The following BRIP1 variants were observed in gnomAD, a reference collection of about 807,000 sequenced individuals.
The protein encoded by BRIP1 is Fanconi anemia group J protein.
In BRIP1, 88 loss-of-function variants were observed where a neutral mutation model predicts 119.7. That is an observed-to-expected ratio of 0.74 (90% CI 0.62 to 0.88). BRIP1 has a LOEUF of 0.88. Among genes scored for constraint, BRIP1 ranks in the 40% least tolerant of loss-of-function variants. The probability of loss-of-function intolerance (pLI) is 0.00; values close to 1 mark genes in which losing one functional copy is unlikely to be tolerated. For missense variants in BRIP1, 1,259 were observed against 1,455.4 expected (o/e 0.87, Z 2.20); for synonymous variants, 443 against 496.5 (o/e 0.89, Z 1.43).
chr17:61,790,610 A>G (rs182686702), intron 10 of BRIP1, among the ~76,000 whole-genome samples: 436 of 152,260 alleles, frequency 2.9e-3, no homozygotes, highest in Admixed American at 4.9e-3. Flanking sequence ...ATTGCTATGT[A>G]GTATTCCACT....
intron 6 of BRIP1, among the ~76,000 whole-genome samples, chr17:61,813,928 A>C (rs7216756): frequency 0.79 from 120,793 of 152,012 alleles, 48,646 homozygotes; most frequent in African/African-American, 0.9. Context: ...AAAGTTAGTT[A>C]TATTATTTTA....
In BRIP1 at chr17:61,725,223, G is replaced by T. The variant is rs2076750409; in HGVS notation, c.2380-9160C>A. Among the ~76,000 whole-genome samples the T allele has an allele frequency of 6.6e-6, 1 of 151,988 alleles. No homozygotes were observed. Among genetic ancestry groups the T allele is most frequent in the Non-Finnish European group, 1.5e-5 (1 of 67,984 alleles). On this transcript the variant is annotated intron_variant, in intron 16 of 19. Transcript: ENST00000259008. This position sits in a 1 kb window ranked among gnomAD's most constrained non-coding sequence, Gnocchi z 5.3. ...AGAAGCCAGGCTCCCTTTTAAATAA[G>T]AATAATAATGATAAAAGCACATTAG... is the stretch of plus-strand genomic sequence containing the variant.
At chr17:61,779,020 T>G (rs1274032758) in intron 13 of BRIP1, among the ~76,000 whole-genome samples, 1 of 152,160 alleles carries the variant, frequency 6.6e-6, no homozygotes, top group Non-Finnish European at 1.5e-5. Flanking sequence ...TTAAAATATT[T>G]CATAAAAAGA....
chr17:61,858,299 C>A (rs994315100), intron 3 of BRIP1, among the ~76,000 whole-genome samples: 1 of 151,856 alleles, frequency 6.6e-6, no homozygotes, highest in Admixed American at 6.6e-5. Flanking sequence ...AAGTTAGTAC[C>A]GATAAACTCA....
At chr17:61,811,724 C>T (rs2078164973) in intron 6 of BRIP1, among the ~76,000 whole-genome samples, 1 of 151,296 alleles carries the variant, frequency 6.6e-6, no homozygotes, top group South Asian at 2.1e-4. Flanking sequence ...GGCCGAGGCA[C>T]GTGGATTGCT....
Position 61,693,635 on chromosome 17 carries a change from T to G in BRIP1, c.2493-123A>C. 1.2e-6 allele frequency: 1 copy of G among 809,552 alleles called. No individual in the cohort carries two copies. Among genetic ancestry groups the G allele is most frequent in the Non-Finnish European group, 2.0e-6 (1 of 492,606 alleles). 50.1% of individuals were successfully genotyped at this position (809,552 alleles called of 1,614,324 possible). On this transcript the variant is annotated intron_variant, in intron 17 of 19. Transcript: ENST00000259008. The surrounding 1 kb of genome is among the most constrained non-coding windows in gnomAD (Gnocchi z 4.2). The stretch of plus-strand genomic sequence containing the variant: ...TAGATTCCTTTAAACAATTTGTTAT[T>G]ATCAGAAAAGTTACAGAAGCTATCC...
intron 17 of BRIP1, among the ~76,000 whole-genome samples, chr17:61,707,028 TA>T (rs1455693683): frequency 3.5e-5 from 5 of 142,426 alleles, no homozygotes; most frequent in Admixed American, 3.3e-4. Flanking sequence ...TATTCCTTTT[TA>T]AATTTTTTTT....
chr17:61,825,553 C>T lies in BRIP1; in HGVS notation c.628-16796G>A, dbSNP rs1239689395. Reference sequence around the variant, plus strand: ...TAAATCAATATGCAAAATTTACTGACATTCCAATTCACCATCAACTGTCAA... The same window carrying T: ...TAAATCAATATGCAAAATTTACTGATATTCCAATTCACCATCAACTGTCAA... On this transcript the variant is annotated intron_variant, in intron 6 of 19. Coordinates refer to ENST00000259008, the MANE Select transcript of BRIP1 (RefSeq NM_032043.3). This position sits in a 1 kb window ranked among gnomAD's most constrained non-coding sequence, Gnocchi z 4.1. 7.9e-5 allele frequency among the ~76,000 whole-genome samples: 12 copies of T among 151,572 alleles called. No individual in the cohort carries two copies. The highest frequency in any genetic ancestry group is 5.3e-4 in the Admixed American group (8 of 15,202).
In BRIP1 at chr17:61,822,004, T is replaced by G. The variant is rs966010139; in HGVS notation, c.628-13247A>C. ...AACTGCACATGAAAACATTTGTTAA[T>G]GACTAAAAATTGTCAGAAGAATCAG... On this transcript the variant is annotated intron_variant, in intron 6 of 19. Coordinates refer to ENST00000259008, the MANE Select transcript of BRIP1 (RefSeq NM_032043.3). The surrounding 1 kb of genome is among the most constrained non-coding windows in gnomAD (Gnocchi z 4.4). 3.9e-5 allele frequency among the ~76,000 whole-genome samples: 6 copies of G among 152,196 alleles called. No homozygotes were observed. The highest frequency in any genetic ancestry group is 7.3e-5 in the Non-Finnish European group (5 of 68,030).
chr17:61,829,302 A>G (rs1408464822), intron 6 of BRIP1, among the ~76,000 whole-genome samples: 2 of 152,168 alleles, frequency 1.3e-5, no homozygotes, highest in Admixed American at 6.5e-5. Flanking sequence ...TATCAATGTT[A>G]GCCAAAATAG....
chr17:61,798,527 T>C lies in BRIP1; in HGVS notation c.1340+573A>G, dbSNP rs569940989. Among the ~76,000 whole-genome samples the C allele has an allele frequency of 1.1e-4, 17 of 152,066 alleles. No individual in the cohort carries two copies. The highest frequency in any genetic ancestry group is 1.3e-4 in the Non-Finnish European group (9 of 67,910). On this transcript the variant is annotated intron_variant, in intron 9 of 19. Transcript: ENST00000259008. The surrounding 1 kb of genome is among the most constrained non-coding windows in gnomAD (Gnocchi z 5.5). ...CATTCAAATTTTTTTAAAGTGTAAA[T>C]GTGAAGGAAACAGAAAAATGCTACA...
chr17:61,823,311 T>C lies in BRIP1; in HGVS notation c.628-14554A>G, dbSNP rs1040125577. On this transcript the variant is annotated intron_variant, in intron 6 of 19. Transcript: ENST00000259008. The surrounding 1 kb of genome is among the most constrained non-coding windows in gnomAD (Gnocchi z 4.8). The stretch of plus-strand genomic sequence containing the variant: ...GCCATACGAAAAAACAGAAATCTTA[T>C]CTTGCACCATAAACTACTAACAAAT... Among the ~76,000 whole-genome samples the C allele has an allele frequency of 6.6e-6, 1 of 152,232 alleles. No homozygotes were observed. Among genetic ancestry groups the C allele is most frequent in the African/African-American group, 2.4e-5 (1 of 41,468 alleles).
At chr17:61,820,949 TAA>T (rs779314068) in intron 6 of BRIP1, among the ~76,000 whole-genome samples, 39 of 143,920 alleles carry the variant, frequency 2.7e-4, no homozygotes, top group Admixed American at 7.6e-4. Context: ...GACTCTGTCT[TAA>T]AAAAAAAAAA....
chr17:61,811,208 C>CT (rs1194872665), intron 6 of BRIP1, among the ~76,000 whole-genome samples: 1 of 151,878 alleles, frequency 6.6e-6, no homozygotes, highest in Non-Finnish European at 1.5e-5. Context: ...AGATGGTTTT[C>CT]TTTTTTTGTT....
In BRIP1 at chr17:61,834,869, C is replaced by T. The variant is rs1438612165; in HGVS notation, c.627+12232G>A. ...GTTGACCACAGACACATGAGTAGGC[C>T]ACCTGAGATCAGCAGAAGAAATGCC... On this transcript the variant is annotated intron_variant, in intron 6 of 19. Transcript: ENST00000259008. This position sits in a 1 kb window ranked among gnomAD's most constrained non-coding sequence, Gnocchi z 4.4. 6.6e-6 allele frequency among the ~76,000 whole-genome samples: 1 copy of T among 152,164 alleles called. No individual in the cohort carries two copies. The highest frequency in any genetic ancestry group is 6.5e-5 in the Admixed American group (1 of 15,272).
chr17:61,725,478 C>T lies in BRIP1; in HGVS notation c.2380-9415G>A, dbSNP rs2076754233. On this transcript the variant is annotated intron_variant, in intron 16 of 19. Transcript: ENST00000259008. The surrounding 1 kb of genome is among the most constrained non-coding windows in gnomAD (Gnocchi z 5.3). ...AAGAAATAGAACAAAATATATCCCT[C>T]TGAAATCAGGTATCTCCTCTTCTCA... Among the ~76,000 whole-genome samples the T allele has an allele frequency of 6.6e-6, 1 of 152,100 alleles. No homozygotes were observed. The highest frequency in any genetic ancestry group is 1.5e-5 in the Non-Finnish European group (1 of 68,028).
chr17:61,784,251 A>G lies in BRIP1; in HGVS notation c.1628+19T>C. 6.2e-7 allele frequency: 1 copy of G among 1,604,038 alleles called. No individual in the cohort carries two copies. Among genetic ancestry groups the G allele is most frequent in the Non-Finnish European group, 8.5e-7 (1 of 1,171,978 alleles). On this transcript the variant is annotated intron_variant, in intron 11 of 19. Transcript: ENST00000259008. The stretch of plus-strand genomic sequence containing the variant: ...GGCTATTTTTAAAAGGAAAATACAT[A>G]CTAGTTATCTTCACTTACCTGCTAT...
rs189470390 is a variant in BRIP1 at position 61,848,515 on chromosome 17, T to A, written c.507+614A>T. ...TCGTGAGCCACTGTATTCAGCCTAA[T>A]AATTATCTTTTTTATTTGTAACTAA... On this transcript the variant is annotated intron_variant, in intron 5 of 19. Transcript: ENST00000259008. The surrounding 1 kb of genome is among the most constrained non-coding windows in gnomAD (Gnocchi z 4.3). Among the ~76,000 whole-genome samples, 1 of 152,296 alleles carries A rather than the reference T, an allele frequency of 6.6e-6. No individual in the cohort carries two copies. Among genetic ancestry groups the A allele is most frequent in the African/African-American group, 2.4e-5 (1 of 41,570 alleles).
rs2144672678 is a variant in BRIP1 at position 61,742,925 on chromosome 17, G to T, written c.2379+88C>A. ...TGTAAAAAAGCACTATAAAAGCAAA[G>T]CGCAATAAAATGAGGGATCCCTGCA... On this transcript the variant is annotated intron_variant, in intron 16 of 19. Transcript: ENST00000259008. The surrounding 1 kb of genome is among the most constrained non-coding windows in gnomAD (Gnocchi z 4.7). The T allele has an allele frequency of 6.6e-7, 1 of 1,525,378 alleles. No individual in the cohort carries two copies. Among genetic ancestry groups the T allele is most frequent in the Non-Finnish European group, 9.1e-7 (1 of 1,102,500 alleles). The allele number at this position is 1,525,378 out of a possible 1,614,324, so 94.5% of individuals were successfully genotyped here. A position where few individuals can be genotyped will look rare whatever the true frequency, so the allele number is the denominator to read the frequency against.
Sources: gnomAD v4.1 joint callset for allele counts (sites outside exome capture counted in the v4.1 genomes callset) on GRCh38, gnomAD v4.1.1 for gene constraint, Gnocchi (gnomAD v3.1) non-coding constraint, MANE v1.5 for transcripts, NCBI Gene and HGNC (gene_info 2026-07-23, HGNC 2026-07-21) for gene names.